ANO10: variants seen among roughly 807,000 people sequenced by gnomAD.
ANO10 encodes anoctamin-10.
A neutral mutation model predicts 74.7 loss-of-function variants in ANO10; 77 were observed. The ratio of observed to expected loss-of-function variants is 1.03; its 90% CI spans 0.86 to 1.25. The LOEUF is 1.25. Among genes scored for constraint, ANO10 ranks in the 50% most tolerant of loss-of-function variants. The probability of loss-of-function intolerance (pLI) is 0.00; values close to 1 mark genes in which losing one functional copy is unlikely to be tolerated. For missense variants in ANO10, 721 were observed against 778.1 expected, an observed-to-expected ratio of 0.93 and a Z score of 0.87; for synonymous variants, 279 against 284.9, an observed-to-expected ratio of 0.98 and a Z score of 0.21.
intron 12 of ANO10, among the ~76,000 whole-genome samples, chr3:43,369,608 G>A (rs2091534731): frequency 6.6e-6 from 1 of 152,200 alleles, no homozygotes; most frequent in South Asian, 2.1e-4. Context: ...GGAAGGCTGT[G>A]CTCCCAGGGC....
At chr3:43,620,521 T>C (rs2083334077) in intron 1 of ANO10, among the ~76,000 whole-genome samples, 1 of 152,208 alleles carries the variant, frequency 6.6e-6, no homozygotes, top group Non-Finnish European at 1.5e-5. Context: ...CTCACGTCTG[T>C]AATCCCAGCA....
intron 11 of ANO10, among the ~76,000 whole-genome samples, chr3:43,435,569 A>G (rs1202168619): frequency 6.6e-6 from 1 of 151,584 alleles, no homozygotes; most frequent in Admixed American, 6.6e-5. Context: ...TTCTGCAAAT[A>G]TGTGGAAAGT....
At chr3:43,636,041 C>A (rs540374409) in intron 1 of ANO10, among the ~76,000 whole-genome samples, 38 of 151,776 alleles carry the variant, frequency 2.5e-4, no homozygotes, top group South Asian at 1.5e-3. Flanking sequence ...ACAAAAAAAA[C>A]CCAAAAAACA....
At chr3:43,511,309 T>C (rs190663207) in intron 11 of ANO10, among the ~76,000 whole-genome samples, 126 of 152,306 alleles carry the variant, frequency 8.3e-4, no homozygotes, top group African/African-American at 2.8e-3. Context: ...ATAGTCCATA[T>C]ATCAATGTAT....
chr3:43,524,096 G>A (rs989603364), intron 11 of ANO10, among the ~76,000 whole-genome samples: 3 of 152,170 alleles, frequency 2.0e-5, no homozygotes, highest in Admixed American at 6.5e-5. Context: ...GAGCAGATGA[G>A]TTTAACCAAT....
At chr3:43,559,562 T>C (rs1246776148) in intron 9 of ANO10, among the ~76,000 whole-genome samples, 8 of 152,106 alleles carry the variant, frequency 5.3e-5, no homozygotes, top group Admixed American at 4.6e-4. Context: ...GCTGACTTGG[T>C]GGAGCAGTTA....
At chr3:43,466,538 C>T (rs551926737) in intron 11 of ANO10, among the ~76,000 whole-genome samples, 8 of 151,964 alleles carry the variant, frequency 5.3e-5, no homozygotes, top group Non-Finnish European at 1.2e-4. Flanking sequence ...TTTAAACAAA[C>T]GACTAGAGTA....
intron 8 of ANO10, 76 bp downstream of exon 8, chr3:43,565,577 G>T: frequency 9.6e-7 from 1 of 1,042,754 alleles, no homozygotes; most frequent in East Asian, 2.6e-5. Context: ...TAATTTGAAG[G>T]CAATTACAGC....
chr3:43,640,503 C>G (rs2083660547), intron 1 of ANO10, among the ~76,000 whole-genome samples: 1 of 152,170 alleles, frequency 6.6e-6, no homozygotes, highest in Admixed American at 6.5e-5. Flanking sequence ...GGCCTTTGCA[C>G]AGGAATCATG....
At position 43,504,300 on chromosome 3, in the gene ANO10, G is replaced by GTAGGTAGGTAGGTAGA. The variant is rs71083075; in HGVS notation, c.1797+45419_1797+45420insTCTACCTACCTACCTA. Reference sequence around the variant, plus strand: ...AGTAGATAGGTAGGTAGGTAGGTAGGTAGATAGATAGATAGATAGATAGAT... The same window carrying GTAGGTAGGTAGGTAGA: ...AGTAGATAGGTAGGTAGGTAGGTAGGTAGGTAGGTAGGTAGATAGATAGATAGATAGATAGATAGAT... On this transcript the variant is annotated intron_variant, in intron 11 of 12. Transcript: ENST00000292246. 5.0e-5 allele frequency among the ~76,000 whole-genome samples: 7 copies of GTAGGTAGGTAGGTAGA among 139,822 alleles called. No individual in the cohort carries two copies. The East Asian group carries it at 9.0e-4, about 18-fold the overall frequency. 91.7% of individuals were successfully genotyped at this position (139,822 alleles called of 152,430 possible).
chr3:43,371,926 T>C (rs1381232264), intron 12 of ANO10, among the ~76,000 whole-genome samples: 1 of 152,098 alleles, frequency 6.6e-6, no homozygotes, highest in Admixed American at 6.5e-5. Flanking sequence ...GATTAAAAAG[T>C]CCAAGCCTGT....
intron 11 of ANO10, among the ~76,000 whole-genome samples, chr3:43,451,161 T>C (rs922253592): frequency 5.3e-5 from 8 of 152,166 alleles, no homozygotes; most frequent in African/African-American, 1.9e-4. Flanking sequence ...ACTCAGAGTA[T>C]AAGGGAACTT....
At chr3:43,531,910 A>AC (rs895202974) in intron 11 of ANO10, among the ~76,000 whole-genome samples, 3 of 152,032 alleles carry the variant, frequency 2.0e-5, no homozygotes, top group African/African-American at 7.3e-5. Flanking sequence ...CAAAAAAAAA[A>AC]AAACAAAACC....
intron 12 of ANO10, among the ~76,000 whole-genome samples, chr3:43,382,245 C>T (rs771495638): frequency 1.2e-4 from 18 of 152,238 alleles, no homozygotes; most frequent in East Asian, 5.8e-4. Flanking sequence ...TCAGGCCGGG[C>T]GCGGTGGCTC....
At chr3:43,393,725 G>C (rs2092322105) in intron 12 of ANO10, among the ~76,000 whole-genome samples, 1 of 151,836 alleles carries the variant, frequency 6.6e-6, no homozygotes, top group Admixed American at 6.6e-5. Context: ...ATTGCCTTTT[G>C]TAACTCTGGG....
chr3:43,691,366 C>A, intron 1 of ANO10: 1 of 209,950 alleles, frequency 4.8e-6, no homozygotes. Context: ...CTGGCCGCGG[C>A]GGCCGCACCG....
chr3:43,513,500 C>A (rs1361456375), intron 11 of ANO10, among the ~76,000 whole-genome samples: 1 of 152,062 alleles, frequency 6.6e-6, no homozygotes, highest in Non-Finnish European at 1.5e-5. Flanking sequence ...CACACAAACA[C>A]ACACTTCTAT....
At chr3:43,573,948 GTTA>G (rs2080869323) in intron 7 of ANO10, among the ~76,000 whole-genome samples, 1 of 152,144 alleles carries the variant, frequency 6.6e-6, no homozygotes, top group Admixed American at 6.5e-5. Flanking sequence ...TAGTTTTGTT[GTTA>G]TTGTTGTTGT....
chr3:43,609,970 C>T (rs2082734791), intron 1 of ANO10, among the ~76,000 whole-genome samples: 1 of 152,054 alleles, frequency 6.6e-6, no homozygotes, highest in Non-Finnish European at 1.5e-5. Flanking sequence ...TTATAAAACA[C>T]TGTACATTTA....
Sources: allele counts gnomAD v4.1 joint callset (sites outside exome capture counted in the v4.1 genomes callset), GRCh38; gene constraint gnomAD v4.1.1; transcripts MANE v1.5; gene names NCBI Gene and HGNC (gene_info 2026-07-23, HGNC 2026-07-21).